Variants in SHANK2 observed in about 807,000 individuals in gnomAD.
The protein encoded by SHANK2 is SH3 and multiple ankyrin repeat domains protein 2.
Under a neutral mutation model 133.7 loss-of-function variants are expected in SHANK2, and 43 were observed. The observed-to-expected ratio is 0.32, with a 90% confidence interval of 0.25 to 0.41. SHANK2 has a LOEUF of 0.41. SHANK2 is among the 10% of genes least tolerant of loss of function. The pLI is 1.00. For missense variants in SHANK2, 1,994 were observed against 2,235.8 expected (o/e 0.89, Z 2.18); for synonymous variants, 1,017 against 952.8 (o/e 1.07, Z -1.24).
At chr11:70,919,786 C>T (rs1244044753) in intron 10 of SHANK2, among the ~76,000 whole-genome samples, 1 of 152,228 alleles carries the variant, frequency 6.6e-6, no homozygotes, top group Non-Finnish European at 1.5e-5. Flanking sequence ...CACTATCCTA[C>T]TCTCTGCTTC....
At chr11:70,597,664 G>A (rs1554989876) in intron 17 of SHANK2, among the ~76,000 whole-genome samples, 1 of 152,168 alleles carries the variant, frequency 6.6e-6, no homozygotes, top group African/African-American at 2.4e-5. Flanking sequence ...CCTGAGGTCA[G>A]GAGTTCAAGA....
intron 14 of SHANK2, among the ~76,000 whole-genome samples, chr11:70,716,506 G>A (rs1263993249): frequency 6.6e-6 from 1 of 152,154 alleles, no homozygotes; most frequent in African/African-American, 2.4e-5. Context: ...CTCGGGTTTC[G>A]GTGCTGGGAC....
chr11:71,147,006 G>A, intron 3 of SHANK2, 114 bp downstream of exon 3: 1 of 846,194 alleles, frequency 1.2e-6, no homozygotes, highest in Non-Finnish European at 1.8e-6. Context: ...GGAGCACGGT[G>A]TGCCCAGAGC....
At chr11:70,725,728 C>T (rs925386100) in intron 14 of SHANK2, among the ~76,000 whole-genome samples, 35 of 94,798 alleles carry the variant, frequency 3.7e-4, no homozygotes, top group African/African-American at 2.1e-3. Context: ...CTTGTCAGCA[C>T]ATTGTCGGTA....
intron 1 of SHANK2, among the ~76,000 whole-genome samples, chr11:71,242,678 G>T (rs1379881779): frequency 6.6e-6 from 1 of 152,154 alleles, no homozygotes; most frequent in Non-Finnish European, 1.5e-5. Context: ...GACCCTACAA[G>T]GGCAGAAATA....
intron 10 of SHANK2, chr11:70,952,877 A>C (rs1000199994): frequency 6.3e-5 from 21 of 334,320 alleles, no homozygotes; most frequent in Non-Finnish European, 1.1e-4. Context: ...CCTTCCATGC[A>C]GTCCTGTAAG....
chr11:70,889,358 C>G (rs1949802542), intron 11 of SHANK2, among the ~76,000 whole-genome samples: 1 of 152,164 alleles, frequency 6.6e-6, no homozygotes. Flanking sequence ...CTGCCAACAC[C>G]TTGATTTTGG....
At chr11:70,832,129 A>G (rs1474277494) in intron 11 of SHANK2, among the ~76,000 whole-genome samples, 2 of 152,182 alleles carry the variant, frequency 1.3e-5, no homozygotes, top group Non-Finnish European at 2.9e-5. Context: ...TCTGTTTCCT[A>G]GTCTGTTTAA....
At chr11:70,671,573 A>T (rs1396088937) in intron 15 of SHANK2, among the ~76,000 whole-genome samples, 1 of 152,180 alleles carries the variant, frequency 6.6e-6, no homozygotes, top group Non-Finnish European at 1.5e-5. Flanking sequence ...CTTATGCATA[A>T]ACAGATATTT....
In SHANK2 at chr11:70,820,640, C is replaced by G. The variant is rs1397694864; in HGVS notation, c.1217G>C (p.Arg406Pro). Residue 406 changes from arginine to proline, a missense_variant, in exon 12 of 26, where the codon CGG becomes CCG. Around this residue, in one of 5 missense-constraint regions of SHANK2, gnomAD observed 653 missense variants for 563.4 expected, o/e 1.16. Transcript: ENST00000601538. ...GGGGGCGGCCAGCGTGTTGGGGGGC[C>G]GCCGCCGGCGGTTGGAGTACGCCGG... ...EAPAYSNRRR[R>P]PPNTLAAPRV... 8.5e-6 allele frequency: 6 copies of G among 707,572 alleles called. No homozygotes were observed. The South Asian group carries it at 9.0e-5, about 11-fold the overall frequency. 43.8% of individuals were successfully genotyped at this position (707,572 alleles called of 1,614,324 possible).
intron 14 of SHANK2, among the ~76,000 whole-genome samples, chr11:70,699,193 T>G (rs181948022): frequency 4.5e-4 from 69 of 152,182 alleles, no homozygotes; most frequent in African/African-American, 1.6e-3. Flanking sequence ...CAACTGCCAT[T>G]TGGGAAAGAA....
chr11:71,085,058 T>C (rs1315107211), intron 8 of SHANK2, among the ~76,000 whole-genome samples: 1 of 152,162 alleles, frequency 6.6e-6, no homozygotes, highest in African/African-American at 2.4e-5. Context: ...GACAAGCCTC[T>C]GTCATGTGCC....
chr11:71,178,171 C>T (rs1288484714), intron 2 of SHANK2, among the ~76,000 whole-genome samples: 1 of 152,190 alleles, frequency 6.6e-6, no homozygotes, highest in Admixed American at 6.5e-5. Context: ...AATGTGGAAA[C>T]AACCCTTTCA....
chr11:71,117,314 C>A (rs1489817456), intron 4 of SHANK2, among the ~76,000 whole-genome samples: 1 of 152,228 alleles, frequency 6.6e-6, no homozygotes, highest in African/African-American at 2.4e-5. Context: ...GCCACCTCAC[C>A]CAGCCAGTTA....
In SHANK2 at chr11:70,698,749, G is replaced by A. The variant is rs781785191; in HGVS notation, c.1792C>T (p.Arg598Cys). Residue 598 changes from arginine to cysteine, a missense_variant, in exon 15 of 26, where the codon CGC (arginine) becomes TGC (cysteine). By Grantham distance (180) the Arg-to-Cys change is radical (BLOSUM62 -3). This residue lies in a region of SHANK2 where 653 missense variants were observed against 563.4 expected (regional missense o/e 1.16). Transcript: ENST00000601538. The part of the protein sequence containing the change: ...RDSQAETRAD[R>C]SKKLFRHYTV... ...TAGTGCCTGAAAAGCTTCTTGCTGC[G>A]GTCAGCGCGGGTTTCTGTACAGAGA... 1.7e-5 allele frequency: 12 copies of A among 718,590 alleles called. No individual in the cohort carries two copies. The highest frequency in any genetic ancestry group is 5.4e-5 in the East Asian group (2 of 37,290). 44.5% of individuals were successfully genotyped at this position (718,590 alleles called of 1,614,324 possible). A position where few individuals can be genotyped will look rare whatever the true frequency, so the allele number is the denominator to read the frequency against.
At chr11:70,880,147 G>A (rs1236772816) in intron 11 of SHANK2, among the ~76,000 whole-genome samples, 1 of 152,202 alleles carries the variant, frequency 6.6e-6, no homozygotes, top group African/African-American at 2.4e-5. Flanking sequence ...GAGCTCACCT[G>A]CTAGCCTGGG....
chr11:70,787,087 C>A (rs1232197225), intron 14 of SHANK2, among the ~76,000 whole-genome samples: 1 of 151,210 alleles, frequency 6.6e-6, no homozygotes, highest in Non-Finnish European at 1.5e-5. Context: ...CCACCACCAC[C>A]AGCATCACCA....
At chr11:71,240,307 A>G (rs541577371) in intron 1 of SHANK2, among the ~76,000 whole-genome samples, 19 of 152,284 alleles carry the variant, frequency 1.2e-4, no homozygotes, top group Admixed American at 2.6e-4. Context: ...TTAATTCTCA[A>G]TGAGCTCTGG....
At chr11:70,628,993 A>T (rs1555001029) in intron 17 of SHANK2, among the ~76,000 whole-genome samples, 4 of 152,164 alleles carry the variant, frequency 2.6e-5, no homozygotes, top group African/African-American at 9.7e-5. Context: ...AGAGAAATTA[A>T]TTTTAAGCCT....
Sources: gnomAD v4.1 joint callset for allele counts (sites outside exome capture counted in the v4.1 genomes callset) on GRCh38, gnomAD v4.1.1 for gene constraint, gnomAD v4.1.1 regional missense constraint, MANE v1.5 for transcripts, NCBI Gene and HGNC (gene_info 2026-07-23, HGNC 2026-07-21) for gene names.